The following ZNF229 variants were observed in gnomAD, a reference collection of about 807,000 sequenced individuals.
ZNF229 encodes zinc finger protein 229.
A neutral mutation model predicts 11.8 loss-of-function variants in ZNF229; 10 were observed. The ratio of observed to expected loss-of-function variants is 0.85; its 90% confidence interval spans 0.52 to 1.44. The LOEUF is 1.44. Among genes scored for constraint, ZNF229 ranks in the 40% most tolerant of loss-of-function variants. ZNF229 has a pLI of 0.00. For synonymous variants in ZNF229, 368 were observed against 374.8 expected (o/e 0.98, Z 0.21); for missense variants, 1,045 against 1,015.1 (o/e 1.03, Z -0.40).
At chr19:44,433,615 C>T (rs1425638167) in intron 4 of ZNF229, among the ~76,000 whole-genome samples, 1 of 152,094 alleles carries the variant, frequency 6.6e-6, no homozygotes, top group Non-Finnish European at 1.5e-5. Context: ...TCTCCTTTCA[C>T]CTTCCATTAT....
upstream of ZNF229, chr19:44,448,565 G>A (rs1408473165): frequency 6.6e-6 from 1 of 152,180 alleles, no homozygotes; most frequent in Non-Finnish European, 1.5e-5. Flanking sequence ...TAGGGGCGAT[G>A]GTGTCGTAAA....
rs1386126219 is a variant in ZNF229 at position 44,426,978 on chromosome 19, C to T, written c.*1325G>A. 6 of 152,072 alleles carry T rather than the reference C, an allele frequency of 3.9e-5. No homozygotes were observed. The highest frequency in any genetic ancestry group is 1.9e-4 in the East Asian group (1 of 5,198). 9.4% of individuals were successfully genotyped at this position (152,072 alleles called of 1,614,324 possible). ...AGTTCCACATGGCTGGGGAGGCCTC[C>T]GAAAACTTAGTCATGGCAGAACGCA... On this transcript the variant is annotated 3_prime_UTR_variant, in exon 6 of 6. Transcript: ENST00000614049.
intron 4 of ZNF229, among the ~76,000 whole-genome samples, chr19:44,441,831 G>T (rs1456069133): frequency 1.3e-5 from 2 of 152,190 alleles, no homozygotes; most frequent in Non-Finnish European, 2.9e-5. Flanking sequence ...AGAACTTCTA[G>T]AAAGGCAGAA....
rs950611593 is a variant in ZNF229 at position 44,428,241 on chromosome 19, C to T, written c.*62G>A. On this transcript the variant is annotated 3_prime_UTR_variant, in exon 6 of 6. Transcript: ENST00000614049. ...CATGTCACTTTCCTATGGTTTTTCTCCTGTGTTGGCTCTCAGATGGATAGA... is the reference window on the plus strand; with the variant it reads ...CATGTCACTTTCCTATGGTTTTTCTTCTGTGTTGGCTCTCAGATGGATAGA... 77 of 1,513,416 alleles carry T rather than the reference C, an allele frequency of 5.1e-5. No individual in the cohort carries two copies. In the African/African-American group the frequency reaches 9.5e-4, roughly 19 times the overall value. 93.7% of individuals were successfully genotyped at this position (1,513,416 alleles called of 1,614,324 possible). A position where few individuals can be genotyped will look rare whatever the true frequency, so the allele number is the denominator to read the frequency against.
intron 4 of ZNF229, among the ~76,000 whole-genome samples, chr19:44,437,093 A>C (rs183813062): frequency 1.4e-3 from 214 of 152,262 alleles, no homozygotes; most frequent in African/African-American, 4.9e-3. Flanking sequence ...TGTCAACCTT[A>C]TGTCATTTAC....
chr19:44,426,310 TA>T lies in ZNF229; in HGVS notation c.*1992del, dbSNP rs1175450505. On this transcript the variant is annotated 3_prime_UTR_variant, in exon 6 of 6. Coordinates refer to ENST00000614049, the MANE Select transcript of ZNF229 (RefSeq NM_014518.4). ...GGGATTGTTCCATCAGGCTAATTTA[TA>T]AAAAATAGCTCTACTGTTATTATAA... 6.6e-6 allele frequency: 1 copy of T among 152,130 alleles called. No homozygotes were observed. The highest frequency in any genetic ancestry group is 2.4e-5 in the African/African-American group (1 of 41,402). 9.4% of individuals were successfully genotyped at this position (152,130 alleles called of 1,614,324 possible).
chr19:44,445,065 A>C (rs911524306), intron 2 of ZNF229, among the ~76,000 whole-genome samples: 1 of 152,204 alleles, frequency 6.6e-6, no homozygotes, highest in African/African-American at 2.4e-5. Flanking sequence ...AAAAGTCCAG[A>C]TTTGCCCCTA....
Position 44,430,445 on chromosome 19 carries a change from C to T in ZNF229, c.336G>A (p.Val112=), listed in dbSNP as rs1971701266. Reference sequence around the variant, plus strand: ...CTTGGCTCCCAGGTAATTCACCTGCCACCTCTTCCCAGATTTTGCATGAGG... The same window carrying T: ...CTTGGCTCCCAGGTAATTCACCTGCTACCTCTTCCCAGATTTTGCATGAGG... The part of the protein sequence containing the change: ...ELSSCKIWEE[V]AGELPGSQDC... Residue 112 remains valine (V), a synonymous_variant, in exon 6 of 6, where the codon GTG becomes GTA. Transcript: ENST00000614049. The T allele has an allele frequency of 1.2e-6, 2 of 1,614,148 alleles. No individual in the cohort carries two copies. The highest frequency in any genetic ancestry group is 1.1e-5 in the South Asian group (1 of 91,086).
Position 44,428,718 on chromosome 19 carries a change from T to G in ZNF229, c.2063A>C (p.Gln688Pro), listed in dbSNP as rs1971634625. 5.0e-6 allele frequency: 8 copies of G among 1,613,516 alleles called. No individual in the cohort carries two copies. Among genetic ancestry groups the G allele is most frequent in the Non-Finnish European group, 6.8e-6 (8 of 1,179,854 alleles). Residue 688 changes from glutamine to proline, a missense_variant, in exon 6 of 6, where the codon CAG becomes CCG. Physicochemically the swap from Gln to Pro is moderately conservative, Grantham distance 76. Coordinates refer to ENST00000614049, the MANE Select transcript of ZNF229 (RefSeq NM_014518.4). ...GCCATAACTGAATCCCTTGCCACAC[T>G]GATCACACGTATAGGGCTTTTTTCC... ...HTGKKPYTCDQCGKGFSYGSN... is the reference protein window; with the variant it reads ...HTGKKPYTCDPCGKGFSYGSN...
At position 44,432,247 on chromosome 19, in the gene ZNF229, G is replaced by A; in HGVS notation, c.213C>T (p.Leu71=). 6.2e-7 allele frequency: 1 copy of A among 1,613,820 alleles called. No homozygotes were observed. The highest frequency in any genetic ancestry group is 1.1e-5 in the South Asian group (1 of 91,036). Residue 71 remains leucine (L), a synonymous_variant, in exon 5 of 6, where the codon CTC becomes CTT. Coordinates refer to ENST00000614049, the MANE Select transcript of ZNF229 (RefSeq NM_014518.4). ...CCAGAGGATTCCTCTCACCCACTGA[G>A]AGTAGGTTCCTGAAATTCTCCTGCA... is the stretch of plus-strand genomic sequence containing the variant. ...DVMQENFRNL[L]SVGERNPLGD... is the part of the protein sequence containing the mutation.
intron 2 of ZNF229, among the ~76,000 whole-genome samples, chr19:44,443,288 G>T (rs1421859510): frequency 1.3e-5 from 2 of 152,138 alleles, no homozygotes; most frequent in African/African-American, 4.8e-5. Flanking sequence ...AGGGCAGAGA[G>T]ACCCCACAAA....
In ZNF229 at chr19:44,429,660, C is replaced by A; in HGVS notation, c.1121G>T (p.Arg374Met). 1 of 1,614,092 alleles carries A rather than the reference C, an allele frequency of 6.2e-7. No homozygotes were observed. Among genetic ancestry groups the A allele is most frequent in the East Asian group, 2.2e-5 (1 of 44,886 alleles). Residue 374 changes from arginine (R) to methionine (M), a missense_variant, in exon 6 of 6, where the codon AGG becomes ATG. Physicochemically the swap from Arg to Met is moderately conservative, Grantham distance 91. Coordinates refer to ENST00000614049, the MANE Select transcript of ZNF229 (RefSeq NM_014518.4). ...LLIHQGVHTG[R>M]RPYKCEECGK... is the part of the protein sequence containing the mutation. ...ACACTCCTCACATTTATAGGGTCTC[C>A]TTCCTGTGTGCACCCCTTGATGAAT...
chr19:44,442,196 G>T (rs752659559), intron 4 of ZNF229, among the ~76,000 whole-genome samples: 55 of 152,278 alleles, frequency 3.6e-4, no homozygotes, highest in South Asian at 8.3e-4. Flanking sequence ...ATCTATAAAT[G>T]AATAACGTTC....
chr19:44,430,733 T>A (rs533128207), intron 5 of ZNF229, among the ~76,000 whole-genome samples, 191 bp from the exon 6 acceptor site: 1 of 152,272 alleles, frequency 6.6e-6, no homozygotes, highest in African/African-American at 2.4e-5. Flanking sequence ...GCTAGTATGA[T>A]CCTATTAGTA....
At chr19:44,441,571 T>C (rs1237717282) in intron 4 of ZNF229, among the ~76,000 whole-genome samples, 1 of 152,174 alleles carries the variant, frequency 6.6e-6, no homozygotes, top group Non-Finnish European at 1.5e-5. Context: ...TTTATATCGC[T>C]TGATAGCAGC....
At chr19:44,432,583 G>A (rs550245242) in intron 4 of ZNF229, among the ~76,000 whole-genome samples, 21 of 151,902 alleles carry the variant, frequency 1.4e-4, no homozygotes, top group East Asian at 1.2e-3. Context: ...GCAAACTATC[G>A]CAAGGACAAA....
chr19:44,432,678 C>T (rs1013724577), intron 4 of ZNF229, among the ~76,000 whole-genome samples: 10 of 147,234 alleles, frequency 6.8e-5, no homozygotes, highest in South Asian at 4.6e-4. Flanking sequence ...CATCACACAC[C>T]GGGGACTGTT....
At chr19:44,430,690 G>T in intron 5 of ZNF229, 148 bp from the exon 6 acceptor site, 1 of 699,438 alleles carries the variant, frequency 1.4e-6, no homozygotes, top group Non-Finnish European at 2.2e-6. Flanking sequence ...TATGACAAGA[G>T]GAGGCTCCTA....
At chr19:44,433,264 T>C (rs1430653177) in intron 4 of ZNF229, among the ~76,000 whole-genome samples, 2 of 152,102 alleles carry the variant, frequency 1.3e-5, no homozygotes, top group Non-Finnish European at 2.9e-5. Context: ...GCTATGTTGC[T>C]CCGGCTGGTC....
Sources: allele counts gnomAD v4.1 joint callset (sites outside exome capture counted in the v4.1 genomes callset), GRCh38; gene constraint gnomAD v4.1.1; transcripts MANE v1.5; gene names NCBI Gene and HGNC (gene_info 2026-07-23, HGNC 2026-07-21).